Variants in GABRB2 observed in about 807,000 individuals in gnomAD.
GABRB2 encodes gamma-aminobutyric acid type A receptor subunit beta2.
A neutral mutation model predicts 54.7 loss-of-function variants in GABRB2; 16 were observed. That is an observed-to-expected ratio of 0.29 (90% CI 0.20 to 0.44). The LOEUF (loss-of-function observed/expected upper bound fraction) is 0.44. Among genes scored for constraint, GABRB2 ranks in the 20% least tolerant of loss-of-function variants. The pLI is 1.00. For synonymous variants in GABRB2, 244 were observed against 233.8 expected (o/e 1.04, Z -0.40); for missense variants, 355 against 644.0 (o/e 0.55, Z 4.86).
intron 3 of GABRB2, among the ~76,000 whole-genome samples, chr5:161,465,735 C>T (rs1167752519): frequency 6.6e-6 from 1 of 151,966 alleles, no homozygotes; most frequent in Non-Finnish European, 1.5e-5. Context: ...TTTAAATATA[C>T]ACAATACATA....
At chr5:161,352,699 T>C (rs1754511398) in intron 5 of GABRB2, among the ~76,000 whole-genome samples, 1 of 152,094 alleles carries the variant, frequency 6.6e-6, no homozygotes, top group South Asian at 2.1e-4. Context: ...ATGGATTTTA[T>C]GTGTTCTCAT....
intron 3 of GABRB2, 72 bp from the exon 4 acceptor site, chr5:161,459,916 GTAT>G: frequency 1.3e-6 from 1 of 753,688 alleles, no homozygotes; most frequent in Non-Finnish European, 2.2e-6. Flanking sequence ...AAACATCTCA[GTAT>G]TAATAAGAAA....
At chr5:161,503,310 G>A (rs1417360766) in intron 3 of GABRB2, among the ~76,000 whole-genome samples, 1 of 151,872 alleles carries the variant, frequency 6.6e-6, no homozygotes, top group East Asian at 1.9e-4. Flanking sequence ...TTGAAAAAGA[G>A]CAGAAAAATT....
chr5:161,498,577 T>C (rs1759327596), intron 3 of GABRB2, among the ~76,000 whole-genome samples: 1 of 152,168 alleles, frequency 6.6e-6, no homozygotes, highest in Non-Finnish European at 1.5e-5. Context: ...TCAATCACTG[T>C]ATTTTTAAAA....
chr5:161,422,274 A>G (rs1756874674), intron 4 of GABRB2, among the ~76,000 whole-genome samples: 1 of 152,128 alleles, frequency 6.6e-6, no homozygotes, highest in African/African-American at 2.4e-5. Flanking sequence ...AGTACTATAT[A>G]GGTATATATG....
chr5:161,390,836 C>T (rs947694033), intron 5 of GABRB2, among the ~76,000 whole-genome samples: 41 of 152,232 alleles, frequency 2.7e-4, no homozygotes, highest in Non-Finnish European at 4.9e-4. Context: ...AGCACCATCT[C>T]AAACTCGCCT....
At chr5:161,301,500 T>C (rs1193236736) in intron 9 of GABRB2, among the ~76,000 whole-genome samples, 5 of 152,152 alleles carry the variant, frequency 3.3e-5, no homozygotes, top group Admixed American at 2.0e-4. Context: ...GCAATCTCTA[T>C]TGCCCTGGAA....
chr5:161,436,230 G>T (rs910784749), intron 4 of GABRB2, among the ~76,000 whole-genome samples: 1 of 152,000 alleles, frequency 6.6e-6, no homozygotes, highest in East Asian at 1.9e-4. Context: ...CAAGAAACAT[G>T]AATTAAAACA....
intron 5 of GABRB2, among the ~76,000 whole-genome samples, chr5:161,340,196 T>C (rs1306669877): frequency 2.6e-5 from 4 of 152,128 alleles, no homozygotes; most frequent in South Asian, 4.1e-4. Context: ...CCAGGTTATA[T>C]AAGAGATGCT....
At chr5:161,478,541 T>C (rs1055996232) in intron 3 of GABRB2, among the ~76,000 whole-genome samples, 1 of 152,054 alleles carries the variant, frequency 6.6e-6, no homozygotes, top group African/African-American at 2.4e-5. Flanking sequence ...ACAATATGCT[T>C]GTGTTTTCTG....
intron 6 of GABRB2, 41 bp from the exon 7 acceptor site, chr5:161,334,945 A>G: frequency 6.3e-7 from 1 of 1,590,972 alleles, no homozygotes. Context: ...ATCAATCAAT[A>G]TTTATAGGAT....
At chr5:161,334,247 G>A (rs1753929583) in intron 7 of GABRB2, among the ~76,000 whole-genome samples, 1 of 152,094 alleles carries the variant, frequency 6.6e-6, no homozygotes, top group South Asian at 2.1e-4. Context: ...GAAAAAAACA[G>A]CATAAGATGA....
chr5:161,340,244 G>T (rs1355243548), intron 5 of GABRB2, among the ~76,000 whole-genome samples: 1 of 152,038 alleles, frequency 6.6e-6, no homozygotes, highest in Admixed American at 6.6e-5. Context: ...ACTAGGAACT[G>T]CAAACTTTTG....
At chr5:161,421,113 T>A (rs535715502) in intron 4 of GABRB2, among the ~76,000 whole-genome samples, 3 of 152,338 alleles carry the variant, frequency 2.0e-5, no homozygotes, top group African/African-American at 7.2e-5. Context: ...GAAACTGTCC[T>A]GTGTGTGTAT....
At chr5:161,331,494 G>T (rs896594247) in intron 7 of GABRB2, among the ~76,000 whole-genome samples, 11 of 152,134 alleles carry the variant, frequency 7.2e-5, no homozygotes, top group Non-Finnish European at 1.6e-4. Flanking sequence ...AGGAAATAGA[G>T]ACTTTTGAGC....
At chr5:161,301,381 G>T (rs2113346163) in intron 9 of GABRB2, among the ~76,000 whole-genome samples, 1 of 151,702 alleles carries the variant, frequency 6.6e-6, no homozygotes, top group Middle Eastern at 3.5e-3. Flanking sequence ...CTTCACTTGA[G>T]CAGTGCAGAC....
rs184380051 is a variant in GABRB2, at chr5:161,517,280, T to C, written c.237+27947A>G. Among the ~76,000 whole-genome samples the C allele has an allele frequency of 9.1e-4, 139 of 152,262 alleles. No individual in the cohort carries two copies. In the Middle Eastern group the frequency reaches 0.01, roughly 11 times the overall value. ...TGCCAAAGTCAACATGGAAAACTAT[T>C]GATCTAATAGGATATACGGGCTTCT... is the stretch of plus-strand genomic sequence containing the variant. On this transcript the variant is annotated intron_variant, in intron 3 of 9. Transcript: ENST00000393959.
In GABRB2 at chr5:161,391,381, C is replaced by A. The variant is rs76509421; in HGVS notation, c.541+19594G>T. Among the ~76,000 whole-genome samples the A allele has an allele frequency of 1.4e-3, 212 of 152,248 alleles. 4 individuals carry two copies. The East Asian group carries it at 0.032, about 23-fold the overall frequency. On this transcript the variant is annotated intron_variant, in intron 5 of 9. Transcript: ENST00000393959. ...CAATTTAACGAGACAGGTTTTTAAA[C>A]AATCTGTGATATCAAAGAAGGGTTA...
At chr5:161,480,215 G>T (rs187926663) in intron 3 of GABRB2, among the ~76,000 whole-genome samples, 29 of 152,096 alleles carry the variant, frequency 1.9e-4, no homozygotes, top group Admixed American at 7.2e-4. Flanking sequence ...GGGGAAAGCT[G>T]CTTGGTAAAA....
Sources: allele counts gnomAD v4.1 joint callset (sites outside exome capture counted in the v4.1 genomes callset), GRCh38; gene constraint gnomAD v4.1.1; transcripts MANE v1.5; gene names NCBI Gene and HGNC (gene_info 2026-07-23, HGNC 2026-07-21).